Variants in C19orf38 observed in about 807,000 individuals in gnomAD.
The protein encoded by C19orf38 is chromosome 19 open reading frame 38, also known as protein HIDE1.
Under a neutral mutation model 26.6 loss-of-function variants are expected in C19orf38, and 14 were observed. The ratio of observed to expected loss-of-function variants is 0.53; its 90% CI spans 0.35 to 0.82. The LOEUF (loss-of-function observed/expected upper bound fraction) is 0.82. Ranked by LOEUF, C19orf38 falls within the 40% of genes least tolerant of loss-of-function variation. The pLI is 0.01. For missense variants in C19orf38, 261 were observed against 299.5 expected (o/e 0.87, Z 0.95); for synonymous variants, 132 against 128.5 (o/e 1.03, Z -0.18).
intron 1 of C19orf38, among the ~76,000 whole-genome samples, chr19:10,840,898 G>C (rs1358952854): frequency 6.6e-6 from 1 of 152,178 alleles, no homozygotes; most frequent in Non-Finnish European, 1.5e-5. Context: ...GCCTCCTAAA[G>C]TGCTGGGATT....
At chr19:10,836,878 G>A (rs2073435680) in intron 1 of C19orf38, 2 of 152,118 alleles carry the variant, frequency 1.3e-5, no homozygotes, top group African/African-American at 4.8e-5. Flanking sequence ...GACAGTGGAG[G>A]GGCGTGGCCC....
chr19:10,841,855 TTCC>T lies in C19orf38; in HGVS notation c.-69+5087_-69+5089del, dbSNP rs2073480337. 3 of 1,483,754 alleles carry T rather than the reference TTCC, an allele frequency of 2.0e-6. No homozygotes were observed. In the African/African-American group the frequency reaches 4.2e-5, roughly 21 times the overall value. 91.9% of individuals were successfully genotyped at this position (1,483,754 alleles called of 1,614,324 possible). ...TAGCTGGGCATGGGAACAATCCCATTTCCTGAGGGAATGGGAGGATCTGTCTAC... is the reference window on the plus strand; with the variant it reads ...TAGCTGGGCATGGGAACAATCCCATTTGAGGGAATGGGAGGATCTGTCTAC... On this transcript the variant is annotated intron_variant, in intron 1 of 7. Coordinates refer to the C19orf38 transcript ENST00000592854.
intron 6 of C19orf38, among the ~76,000 whole-genome samples, chr19:10,864,144 C>G (rs917957816): frequency 4.6e-5 from 7 of 151,260 alleles, no homozygotes; most frequent in Non-Finnish European, 1.0e-4. Flanking sequence ...CACACAACTT[C>G]CGACTCCCGG....
intron 2 of C19orf38, among the ~76,000 whole-genome samples, chr19:10,853,622 G>A (rs1411200568): frequency 8.0e-6 from 1 of 125,656 alleles, no homozygotes; most frequent in Non-Finnish European, 1.7e-5. Flanking sequence ...GACAGTCTCG[G>A]TCTGTCGCCC....
chr19:10,840,467 C>T (rs1044338654), intron 1 of C19orf38, among the ~76,000 whole-genome samples: 1 of 152,156 alleles, frequency 6.6e-6, no homozygotes. Context: ...GCCAACACAC[C>T]CAGCTAATTT....
rs8107400 is a variant in C19orf38, at chr19:10,867,195, C to T, written c.544-2023C>T. 1.0e-2 allele frequency among the ~76,000 whole-genome samples: 1,517 copies of T among 152,148 alleles called. 29 individuals are homozygous for T. The highest frequency in any genetic ancestry group is 0.035 in the African/African-American group (1,455 of 41,496). On this transcript the variant is annotated intron_variant, in intron 6 of 6. Coordinates refer to ENST00000397820, the MANE Select transcript of C19orf38 (RefSeq NM_001136482.3). ...CATTCTCCTGTCTCTGTGGATTTGC[C>T]TCTTCTGGACATCTCATGGATATGA...
intron 1 of C19orf38, among the ~76,000 whole-genome samples, chr19:10,838,521 T>G (rs2073454227): frequency 6.6e-6 from 1 of 152,186 alleles, no homozygotes; most frequent in South Asian, 2.1e-4. Context: ...ATCGGCTCAG[T>G]AAAGATCCCT....
chr19:10,858,226 T>TAAA (rs371026775), intron 3 of C19orf38, 90 bp from the exon 4 acceptor site: 12,089 of 320,316 alleles, frequency 0.038, 580 homozygotes, highest in South Asian at 0.057. Flanking sequence ...AGACTCTGTC[T>TAAA]AAAAAAAAAA....
At chr19:10,856,380 A>G (rs1209247567) in intron 3 of C19orf38, 23 bp downstream of exon 3, 1 of 1,540,622 alleles carries the variant, frequency 6.5e-7, no homozygotes, top group South Asian at 1.2e-5. Context: ...AAAGCCTGGC[A>G]CACAAGTTGC....
chr19:10,869,442 C>A lies in C19orf38; in HGVS notation c.*75C>A. On this transcript the variant is annotated 3_prime_UTR_variant, in exon 7 of 7. Transcript: ENST00000397820. ...GTCCCTCCAGCTACTTCTGGGGGGG[C>A]TCTGTCAGCCACTTTCTCAGGGAAT... 6.9e-7 allele frequency: 1 copy of A among 1,447,676 alleles called. No individual in the cohort carries two copies. Among genetic ancestry groups the A allele is most frequent in the East Asian group, 2.5e-5 (1 of 40,200 alleles). 89.7% of individuals were successfully genotyped at this position (1,447,676 alleles called of 1,614,324 possible). A position where few individuals can be genotyped will look rare whatever the true frequency, so the allele number is the denominator to read the frequency against.
chr19:10,858,425 C>T, intron 4 of C19orf38, 82 bp downstream of exon 4: 6 of 1,308,520 alleles, frequency 4.6e-6, no homozygotes, highest in Non-Finnish European at 6.3e-6. Flanking sequence ...CTCCATGCCC[C>T]CCACAAACAG....
chr19:10,850,665 C>G (rs1052252638), intron 2 of C19orf38, 98 bp downstream of exon 2: 5 of 1,272,500 alleles, frequency 3.9e-6, no homozygotes, highest in Non-Finnish European at 5.5e-6. Flanking sequence ...CAGAAAAAGC[C>G]AGGCTTACAC....
At chr19:10,861,867 C>T (rs572722093) in intron 5 of C19orf38, among the ~76,000 whole-genome samples, 7 of 152,108 alleles carry the variant, frequency 4.6e-5, no homozygotes, top group East Asian at 1.9e-4. Context: ...CAATTACAGG[C>T]GTGAGCCACC....
intron 1 of C19orf38, among the ~76,000 whole-genome samples, chr19:10,842,414 C>A (rs1428778877): frequency 6.6e-6 from 1 of 152,090 alleles, no homozygotes; most frequent in African/African-American, 2.4e-5. Context: ...GTGCCCGCCA[C>A]CATGCCTGGC....
upstream of C19orf38, among the ~76,000 whole-genome samples, chr19:10,845,602 G>A (rs188291523): frequency 1.4e-4 from 22 of 152,248 alleles, no homozygotes; most frequent in East Asian, 2.3e-3. Flanking sequence ...AAGGTGGGCC[G>A]GGTGCGGTGG....
intron 2 of C19orf38, 21 bp from the exon 3 acceptor site, chr19:10,856,244 T>A (rs1176170741): frequency 1.3e-6 from 2 of 1,543,704 alleles, no homozygotes; most frequent in Non-Finnish European, 1.8e-6. Flanking sequence ...CTGCCCACTC[T>A]CTTTTCTGAT....
chr19:10,840,542 C>T (rs542780271), intron 1 of C19orf38, among the ~76,000 whole-genome samples: 56 of 151,898 alleles, frequency 3.7e-4, no homozygotes, highest in Admixed American at 2.8e-3. Context: ...TGTTTTGAGA[C>T]GGAGTCTTGC....
upstream of C19orf38, among the ~76,000 whole-genome samples, chr19:10,844,993 C>CAAAAAAAAAAA (rs57500129): frequency 9.4e-4 from 90 of 95,812 alleles, no homozygotes; most frequent in East Asian, 1.5e-3. Flanking sequence ...CCTTTCTCTA[C>CAAAAAAAAAAA]AAAAAAAAAA....
intron 1 of C19orf38, chr19:10,842,179 C>T: frequency 6.4e-7 from 1 of 1,560,068 alleles, no homozygotes. Flanking sequence ...TTCATTCCGG[C>T]AAATGTGGTT....
Sources: allele counts gnomAD v4.1 joint callset (sites outside exome capture counted in the v4.1 genomes callset), GRCh38; gene constraint gnomAD v4.1.1; transcripts MANE v1.5; gene names NCBI Gene and HGNC (gene_info 2026-07-23, HGNC 2026-07-21).